The following PPP1R16B variants were observed in gnomAD, a reference collection of about 807,000 sequenced individuals.
PPP1R16B encodes protein phosphatase 1 regulatory inhibitor subunit 16B.
PPP1R16B carries 14 observed loss-of-function variants against 61.7 expected under a neutral mutation model. The observed-to-expected ratio is 0.23, with a 90% CI of 0.15 to 0.35. PPP1R16B has a LOEUF of 0.35. Among genes scored for constraint, PPP1R16B ranks in the 10% least tolerant of loss-of-function variants. The pLI is 1.00. For missense variants in PPP1R16B, 547 were observed against 752.5 expected, an observed-to-expected ratio of 0.73 and a Z score of 3.19; for synonymous variants, 266 against 305.3, an observed-to-expected ratio of 0.87 and a Z score of 1.34.
At chr20:38,872,666 T>C (rs1335669162) in intron 2 of PPP1R16B, 1 of 152,390 alleles carries the variant, frequency 6.6e-6, no homozygotes, top group African/African-American at 2.4e-5. Flanking sequence ...TGAGAACCAC[T>C]GGGCTAGACC....
intron 2 of PPP1R16B, among the ~76,000 whole-genome samples, chr20:38,872,327 ACTGGC>A (rs2085135775): frequency 6.6e-6 from 1 of 152,206 alleles, no homozygotes; most frequent in Non-Finnish European, 1.5e-5. Flanking sequence ...GAGAGGGCAG[ACTGGC>A]GTCTGTCTGG....
At chr20:38,876,118 G>T (rs2085164428) in intron 2 of PPP1R16B, among the ~76,000 whole-genome samples, 2 of 151,868 alleles carry the variant, frequency 1.3e-5, no homozygotes, top group African/African-American at 4.8e-5. Flanking sequence ...GATTACAGGT[G>T]CCTACCACCA....
chr20:38,869,862 C>T (rs1304572199), intron 2 of PPP1R16B, among the ~76,000 whole-genome samples: 5 of 152,114 alleles, frequency 3.3e-5, no homozygotes, highest in South Asian at 2.1e-4. Context: ...ACCCCCATCC[C>T]GCTGCCACAT....
intron 2 of PPP1R16B, among the ~76,000 whole-genome samples, chr20:38,854,315 T>G (rs1304332360): frequency 6.6e-6 from 1 of 152,246 alleles, no homozygotes; most frequent in African/African-American, 2.4e-5. Flanking sequence ...GCTGATTTAA[T>G]TTTATTAGCC....
intron 10 of PPP1R16B, 141 bp downstream of exon 10, chr20:38,908,334 A>C (rs1165420931): frequency 1.6e-5 from 17 of 1,066,266 alleles, no homozygotes; most frequent in Non-Finnish European, 2.2e-5. Flanking sequence ...ATCCAGTCTG[A>C]TGATGATGGC....
chr20:38,922,879 C>T lies in PPP1R16B; in HGVS notation c.*4213C>T, dbSNP rs569270221. 1 of 152,514 alleles carries T rather than the reference C, an allele frequency of 6.6e-6. No homozygotes were observed. Among genetic ancestry groups the T allele is most frequent in the African/African-American group, 2.4e-5 (1 of 41,578 alleles). 9.4% of individuals were successfully genotyped at this position (152,514 alleles called of 1,614,324 possible). On this transcript the variant is annotated 3_prime_UTR_variant, in exon 11 of 11. Transcript: ENST00000299824. ...CCACGTAGCCCCTTGCCACGCGGCA[C>T]CGGTGGGCCTTGGGTCCAAAACTGT...
chr20:38,816,874 G>A (rs2084739027), intron 1 of PPP1R16B, among the ~76,000 whole-genome samples: 1 of 152,172 alleles, frequency 6.6e-6, no homozygotes, highest in East Asian at 1.9e-4. Flanking sequence ...TCCTGGTTCT[G>A]GTCCCAGGGC....
At chr20:38,915,547 G>T (rs1173644075) in intron 10 of PPP1R16B, among the ~76,000 whole-genome samples, 3 of 152,076 alleles carry the variant, frequency 2.0e-5, no homozygotes, top group Admixed American at 2.0e-4. Flanking sequence ...GTGCAGTTGT[G>T]CAATCTTGGC....
intron 3 of PPP1R16B, among the ~76,000 whole-genome samples, chr20:38,894,608 T>C (rs1249983808): frequency 6.6e-6 from 1 of 152,230 alleles, no homozygotes; most frequent in East Asian, 1.9e-4. Context: ...AGCCCTTATC[T>C]GGGTGGGCAG....
chr20:38,915,337 G>A (rs887634717), intron 10 of PPP1R16B, among the ~76,000 whole-genome samples: 2 of 152,192 alleles, frequency 1.3e-5, no homozygotes, highest in African/African-American at 4.8e-5. Flanking sequence ...AGAGACCAGG[G>A]CTGTCCCACT....
intron 1 of PPP1R16B, among the ~76,000 whole-genome samples, chr20:38,816,751 G>T (rs1428031480): frequency 6.6e-6 from 1 of 152,152 alleles, no homozygotes; most frequent in African/African-American, 2.4e-5. Flanking sequence ...CCTCAGCAGC[G>T]ATATATAGAG....
chr20:38,878,096 A>AT (rs1446460242), intron 2 of PPP1R16B, among the ~76,000 whole-genome samples: 1 of 148,998 alleles, frequency 6.7e-6, no homozygotes, highest in Non-Finnish European at 1.5e-5. Context: ...TTCTTTTATT[A>AT]TTTCTTTCAT....
intron 2 of PPP1R16B, among the ~76,000 whole-genome samples, chr20:38,854,829 C>T (rs182088202): frequency 4.3e-4 from 66 of 152,294 alleles, no homozygotes; most frequent in Admixed American, 8.5e-4. Flanking sequence ...TACAATAAGC[C>T]AGAGGCAAGA....
At chr20:38,902,864 A>G (rs1231059452) in intron 6 of PPP1R16B, 72 bp downstream of exon 6, 1 of 1,597,536 alleles carries the variant, frequency 6.3e-7, no homozygotes, top group Non-Finnish European at 8.5e-7. Context: ...GTGGGGACCA[A>G]CCCTGTACCC....
At chr20:38,894,751 G>A (rs2085321647) in intron 3 of PPP1R16B, among the ~76,000 whole-genome samples, 2 of 152,176 alleles carry the variant, frequency 1.3e-5, no homozygotes, top group Non-Finnish European at 2.9e-5. Context: ...CCATCCTGGT[G>A]CCTAGCTTGA....
intron 1 of PPP1R16B, among the ~76,000 whole-genome samples, chr20:38,813,096 C>T (rs760913032): frequency 6.6e-6 from 1 of 152,200 alleles, no homozygotes; most frequent in Non-Finnish European, 1.5e-5. Flanking sequence ...CAAATGCAGC[C>T]TGTTGTGCCT....
chr20:38,885,691 T>C (rs984286131), intron 2 of PPP1R16B, among the ~76,000 whole-genome samples: 2 of 152,188 alleles, frequency 1.3e-5, no homozygotes, highest in African/African-American at 4.8e-5. Flanking sequence ...GAGGAATAAT[T>C]ATAGGTGTGA....
intron 2 of PPP1R16B, among the ~76,000 whole-genome samples, chr20:38,840,317 C>G (rs1049982494): frequency 2.0e-5 from 3 of 152,182 alleles, no homozygotes; most frequent in Non-Finnish European, 2.9e-5. Context: ...GAGTCAACCT[C>G]CCCCACCTGC....
intron 1 of PPP1R16B, among the ~76,000 whole-genome samples, chr20:38,823,500 G>A (rs577199293): frequency 1.3e-5 from 2 of 152,264 alleles, no homozygotes; most frequent in South Asian, 4.1e-4. Context: ...AATTAGCTGG[G>A]CAGAGTGGCA....
Sources: allele counts gnomAD v4.1 joint callset (sites outside exome capture counted in the v4.1 genomes callset), GRCh38; gene constraint gnomAD v4.1.1; transcripts MANE v1.5; gene names NCBI Gene and HGNC (gene_info 2026-07-23, HGNC 2026-07-21).